Variants in ZNF292 observed in about 807,000 individuals in gnomAD.
ZNF292 encodes the protein 16 zinc-finger domain protein.
In ZNF292, 26 loss-of-function variants were observed where a neutral mutation model predicts 217.9. That is an observed-to-expected ratio of 0.12 (90% confidence interval 0.09 to 0.17). ZNF292 has a LOEUF of 0.17. Among genes scored for constraint, ZNF292 ranks in the 10% least tolerant of loss-of-function variants. The probability of loss-of-function intolerance (pLI) is 1.00; values close to 1 mark genes in which losing one functional copy is unlikely to be tolerated. For synonymous variants in ZNF292, 1,257 were observed against 1,124.1 expected, an observed-to-expected ratio of 1.12 and a Z score of -2.37; for missense variants, 2,904 against 3,175.2, an observed-to-expected ratio of 0.91 and a Z score of 2.05.
intron 4 of ZNF292, among the ~76,000 whole-genome samples, chr6:87,232,175 G>A (rs1005954962): frequency 2.6e-5 from 4 of 152,012 alleles, no homozygotes; most frequent in Middle Eastern, 3.2e-3. Flanking sequence ...TTGAGATCTT[G>A]TGTTCTATAG....
intron 1 of ZNF292, among the ~76,000 whole-genome samples, chr6:87,193,826 T>C (rs746526154): frequency 1.3e-5 from 2 of 152,306 alleles, no homozygotes; most frequent in Non-Finnish European, 1.5e-5. Flanking sequence ...ACTGAAGATA[T>C]CCCATTAATG....
rs181511428 is a variant in ZNF292, at chr6:87,203,352, A to C, written c.169-12551A>C. 3.6e-3 allele frequency among the ~76,000 whole-genome samples: 545 copies of C among 151,914 alleles called. 2 individuals are homozygous for C. Among genetic ancestry groups the C allele is most frequent in the African/African-American group, 0.013 (524 of 41,440 alleles). On this transcript the variant is annotated intron_variant, in intron 1 of 7. Coordinates refer to ENST00000369577, the MANE Select transcript of ZNF292 (RefSeq NM_015021.3). ...GAGACAGGGTTTTGCCGTGTTGCCC[A>C]TGCTGATCTTGGACTTCTGAGCTTA...
intron 1 of ZNF292, among the ~76,000 whole-genome samples, chr6:87,166,126 A>T (rs1770904837): frequency 6.6e-6 from 1 of 152,188 alleles, no homozygotes; most frequent in South Asian, 2.1e-4. Context: ...GATTTGAGAA[A>T]TACTGATGCA....
chr6:87,237,104 T>A (rs1033883821), intron 5 of ZNF292, among the ~76,000 whole-genome samples: 1 of 152,226 alleles, frequency 6.6e-6, no homozygotes. Context: ...AGATTATTAG[T>A]CTTAAATATT....
intron 1 of ZNF292, among the ~76,000 whole-genome samples, chr6:87,156,202 G>T (rs1299072127): frequency 6.6e-6 from 1 of 152,194 alleles, no homozygotes; most frequent in Non-Finnish European, 1.5e-5. Context: ...TGATTCCTTT[G>T]CCTTCCCCTG....
rs1283353898 is a variant in ZNF292 at position 87,259,525 on chromosome 6, G to T, written c.5896G>T (p.Ala1966Ser). 1.9e-6 allele frequency: 3 copies of T among 1,586,642 alleles called. No homozygotes were observed. Among genetic ancestry groups the T allele is most frequent in the Non-Finnish European group, 2.6e-6 (3 of 1,165,332 alleles). The change falls in exon 8 of 8, where the codon GCA becomes TCA. Residue 1966 changes from alanine (A) to serine (S), a missense_variant. By Grantham distance (99) the Ala-to-Ser change is moderately conservative (BLOSUM62 1). Around this residue, in one of 15 missense-constraint regions of ZNF292, gnomAD observed 50 missense variants for 90.5 expected, o/e 0.55. Coordinates refer to ENST00000369577, the MANE Select transcript of ZNF292 (RefSeq NM_015021.3). ...ATTTACAAGAAATTCTAACCTCCGGGCACACTGTCAGTTGGTGCATCATTT... is the reference window on the plus strand; with the variant it reads ...ATTTACAAGAAATTCTAACCTCCGGTCACACTGTCAGTTGGTGCATCATTT... ...KTFTRNSNLR[A>S]HCQLVHHFTT...
At position 87,255,501 on chromosome 6, in the gene ZNF292, T is replaced by A; in HGVS notation, c.1872T>A (p.Thr624=). ...CAACTACCAATGAAAATCAGAAGACTAATACTGTGGCTAAACAGGAGCAGC... is the reference window on the plus strand; with the variant it reads ...CAACTACCAATGAAAATCAGAAGACAAATACTGTGGCTAAACAGGAGCAGC... ...KITTTNENQK[T]NTVAKQEQRP... is the part of the protein sequence containing the mutation. Residue 624 remains threonine, a synonymous_variant, in exon 8 of 8, where the codon ACT becomes ACA. Transcript: ENST00000369577. 2 of 1,613,366 alleles carry A rather than the reference T, an allele frequency of 1.2e-6. No individual in the cohort carries two copies. The highest frequency in any genetic ancestry group is 1.7e-6 in the Non-Finnish European group (2 of 1,179,674).
intron 1 of ZNF292, among the ~76,000 whole-genome samples, chr6:87,197,762 GAGTT>G (rs1771996534): frequency 1.8e-5 from 2 of 108,490 alleles, no homozygotes; most frequent in African/African-American, 3.8e-5. Flanking sequence ...ATTAGAGCCT[GAGTT>G]AGTTTCAATT....
intron 7 of ZNF292, among the ~76,000 whole-genome samples, chr6:87,249,894 G>A (rs1014257133): frequency 6.6e-6 from 1 of 151,858 alleles, no homozygotes; most frequent in Non-Finnish European, 1.5e-5. Flanking sequence ...ATTTTTAGTA[G>A]AGACAGGGTT....
rs79089333 is a variant in ZNF292 at position 87,209,612 on chromosome 6, T to C, written c.169-6291T>C. ...ATTGCAGCAAATTAAGTGCATAAAC[T>C]GATAGGAGAAACCTGCTCTTTTCTC... is the stretch of plus-strand genomic sequence containing the variant. On this transcript the variant is annotated intron_variant, in intron 1 of 7. Transcript: ENST00000369577. Among the ~76,000 whole-genome samples, 68 of 152,346 alleles carry C rather than the reference T, an allele frequency of 4.5e-4. No homozygotes were observed. The East Asian group carries it at 0.013, about 29-fold the overall frequency.
rs1775361439 is a variant in ZNF292 at position 87,258,425 on chromosome 6, T to A, written c.4796T>A (p.Phe1599Tyr). 2 of 1,613,576 alleles carry A rather than the reference T, an allele frequency of 1.2e-6. No homozygotes were observed. The highest frequency in any genetic ancestry group is 1.1e-5 in the South Asian group (1 of 91,066). Residue 1599 changes from phenylalanine (F) to tyrosine (Y), a missense_variant, in exon 8 of 8, where the codon TTT becomes TAT. Transcript: ENST00000369577. The part of the protein sequence containing the change: ...FPNSGGPSQN[F>Y]TSNSSRVSVI... Reference sequence around the variant, plus strand: ...AATTCTGGTGGGCCATCACAAAATTTTACCAGTAACAGTTCTCGTGTTTCT... The same window carrying A: ...AATTCTGGTGGGCCATCACAAAATTATACCAGTAACAGTTCTCGTGTTTCT...
At chr6:87,161,525 C>T (rs1034598060) in intron 1 of ZNF292, among the ~76,000 whole-genome samples, 1 of 152,188 alleles carries the variant, frequency 6.6e-6, no homozygotes, top group Non-Finnish European at 1.5e-5. Flanking sequence ...TGGGCTTAAG[C>T]GATCCTCTTG....
chr6:87,216,662 A>G (rs1365424985), intron 3 of ZNF292, among the ~76,000 whole-genome samples: 1 of 152,056 alleles, frequency 6.6e-6, no homozygotes, highest in African/African-American at 2.4e-5. Context: ...ATTTAGAAAC[A>G]GTTAAACTGG....
intron 1 of ZNF292, among the ~76,000 whole-genome samples, chr6:87,200,690 C>T (rs1263264557): frequency 1.3e-5 from 2 of 152,138 alleles, no homozygotes; most frequent in Non-Finnish European, 2.9e-5. Flanking sequence ...TTGGTTCGTG[C>T]CATCAGAATG....
At position 87,197,075 on chromosome 6, in the gene ZNF292, C is replaced by G. The variant is rs139085964; in HGVS notation, c.169-18828C>G. The stretch of plus-strand genomic sequence containing the variant: ...ATGTCCAACAAATGAGAAAGGAGGT[C>G]AGATTCATTATTAGTTAAAGAAGTG... On this transcript the variant is annotated intron_variant, in intron 1 of 7. Transcript: ENST00000369577. Among the ~76,000 whole-genome samples, 737 of 93,306 alleles carry G rather than the reference C, an allele frequency of 7.9e-3. 3 individuals carry two copies. Among genetic ancestry groups the G allele is most frequent in the African/African-American group, 0.044 (649 of 14,850 alleles). The allele number at this position is 93,306 out of a possible 152,430, so 61.2% of individuals were successfully genotyped here. A position where few individuals can be genotyped will look rare whatever the true frequency, so the allele number is the denominator to read the frequency against.
intron 1 of ZNF292, among the ~76,000 whole-genome samples, chr6:87,176,903 C>G (rs116275417): frequency 0.012 from 1,792 of 152,238 alleles, 34 homozygotes; most frequent in African/African-American, 0.04. Flanking sequence ...GTAAGTACTT[C>G]TAATTAAATA....
chr6:87,179,462 A>C (rs529603382), intron 1 of ZNF292, among the ~76,000 whole-genome samples: 1 of 152,092 alleles, frequency 6.6e-6, no homozygotes, highest in Non-Finnish European at 1.5e-5. Context: ...TGCCTGGCCA[A>C]TGTGGACTCT....
At chr6:87,162,411 C>T (rs1019701247) in intron 1 of ZNF292, among the ~76,000 whole-genome samples, 2 of 152,110 alleles carry the variant, frequency 1.3e-5, no homozygotes, top group African/African-American at 4.8e-5. Context: ...AAAAATTAGA[C>T]TTTCTTTTTG....
intron 1 of ZNF292, among the ~76,000 whole-genome samples, chr6:87,181,120 T>TA (rs1402057374): frequency 5.3e-5 from 8 of 152,128 alleles, no homozygotes; most frequent in Admixed American, 5.2e-4. Context: ...CTTTGAGTGT[T>TA]AATCAGCTCA....
Sources: gnomAD v4.1 joint callset for allele counts (sites outside exome capture counted in the v4.1 genomes callset) on GRCh38, gnomAD v4.1.1 for gene constraint, gnomAD v4.1.1 regional missense constraint, MANE v1.5 for transcripts, NCBI Gene and HGNC (gene_info 2026-07-23, HGNC 2026-07-21) for gene names.